The following DIS3 variants were observed in gnomAD, a reference collection of about 807,000 sequenced individuals.
DIS3 encodes the protein DIS3 exosome endoribonuclease and 3'-5' exoribonuclease.
DIS3 carries 103 observed loss-of-function variants against 113.0 expected under a neutral mutation model. That is an observed-to-expected ratio of 0.91 (90% CI 0.78 to 1.07). The LOEUF (loss-of-function observed/expected upper bound fraction) is 1.07. DIS3 is among the 50% of genes least tolerant of loss of function. DIS3 has a pLI of 0.00. For synonymous variants in DIS3, 402 were observed against 394.3 expected (o/e 1.02, Z -0.23); for missense variants, 1,121 against 1,167.1 (o/e 0.96, Z 0.58).
At chr13:72,780,033 G>T (rs1312665119) in intron 2 of DIS3, among the ~76,000 whole-genome samples, 1 of 151,832 alleles carries the variant, frequency 6.6e-6, no homozygotes, top group Non-Finnish European at 1.5e-5. Context: ...GCACAACAAA[G>T]AATTATATTC....
intron 2 of DIS3, among the ~76,000 whole-genome samples, chr13:72,780,587 T>C (rs1328474909): frequency 1.3e-5 from 2 of 152,104 alleles, no homozygotes; most frequent in Non-Finnish European, 2.9e-5. Flanking sequence ...CAATTCAAAA[T>C]GAAAACATTT....
chr13:72,776,939 A>G (rs9573031), intron 4 of DIS3, among the ~76,000 whole-genome samples: 41,111 of 152,068 alleles, frequency 0.27, 6,775 homozygotes, highest in East Asian at 0.49. Context: ...ACTTTTTCTT[A>G]GCCTGACATA....
At position 72,763,635 on chromosome 13, in the gene DIS3, CAAA is replaced by C. The variant is rs574187547; in HGVS notation, c.1971-31_1971-29del. On this transcript the variant is annotated intron_variant, in intron 15 of 20. Coordinates refer to ENST00000377767, the MANE Select transcript of DIS3 (RefSeq NM_014953.5). ...GCCAATGGAAAAAGCATTAAACAAA[CAAA>C]AAAGAGAATCTGAGACTTCTATATA... is the stretch of plus-strand genomic sequence containing the variant. 387 of 1,583,540 alleles carry C rather than the reference CAAA, an allele frequency of 2.4e-4. 1 individual carries two copies. The African/African-American group carries it at 4.7e-3, about 19-fold the overall frequency.
chr13:72,771,805 A>T lies in DIS3; in HGVS notation c.1595T>A (p.Leu532His), dbSNP rs766070693. 4 of 1,613,134 alleles carry T rather than the reference A, an allele frequency of 2.5e-6. No homozygotes were observed. The South Asian group carries it at 4.4e-5, about 18-fold the overall frequency. The change falls in exon 11 of 21, where the codon CTT becomes CAT. Residue 532 changes from leucine to histidine, a missense_variant. Physicochemically the swap from Leu to His is moderately conservative, Grantham distance 99. This residue lies in a region of DIS3 where 861 missense variants were observed against 915.5 expected (regional missense o/e 0.94). Coordinates refer to ENST00000377767, the MANE Select transcript of DIS3 (RefSeq NM_014953.5). ...ESARRGTTVY[L>H]CEKRIDMVPE... ...ATTCAATACATTTACCTTTTCACAA[A>T]GATACACAGTTGTTCCTCTTCTGGC...
rs1461307474 is a variant in DIS3 at position 72,761,775 on chromosome 13, A to G, written c.2382T>C (p.Ala794=). ...CTGGATAAGTACAGTCAGCCCCAATAGCCACAGCCAAAAGCCGATGAACAA... is the reference window on the plus strand; with the variant it reads ...CTGGATAAGTACAGTCAGCCCCAATGGCCACAGCCAAAAGCCGATGAACAA... The part of the protein sequence containing the change: ...DVIVHRLLAV[A]IGADCTYPEL... Residue 794 remains alanine (A), a synonymous_variant, in exon 18 of 21, where the codon GCT becomes GCC. Transcript: ENST00000377767. 1.2e-6 allele frequency: 2 copies of G among 1,613,448 alleles called. No individual in the cohort carries two copies. The highest frequency in any genetic ancestry group is 2.7e-5 in the African/African-American group (2 of 74,992).
rs1447926187 is a variant in DIS3, at chr13:72,770,958, A to C, written c.1701T>G (p.Asn567Lys). The C allele has an allele frequency of 2.5e-6, 4 of 1,601,402 alleles. No individual in the cohort carries two copies. The highest frequency in any genetic ancestry group is 2.6e-6 in the Non-Finnish European group (3 of 1,173,092). ...RLAFSCIWEM[N>K]HNAEILKTKF... ...TCGTTTTTAAGATTTCAGCATTGTG[A>C]TTCATTTCCCAAATACATGAAAATG... Residue 567 changes from asparagine (N) to lysine (K), a missense_variant, in exon 13 of 21, where the codon AAT becomes AAG. This residue lies in a region of DIS3 where 861 missense variants were observed against 915.5 expected (regional missense o/e 0.94). Coordinates refer to ENST00000377767, the MANE Select transcript of DIS3 (RefSeq NM_014953.5).
At chr13:72,769,496 CTTT>C (rs199556690) in intron 13 of DIS3, among the ~76,000 whole-genome samples, 3 of 141,564 alleles carry the variant, frequency 2.1e-5, no homozygotes, top group Admixed American at 7.1e-5. Context: ...ATTTTTTTTC[CTTT>C]TTTTTTTTTT....
In DIS3 at chr13:72,781,762, T is replaced by G. The variant is rs778082738; in HGVS notation, c.71A>C (p.Tyr24Ser). The part of the protein sequence containing the change: ...GGVMKIVREH[Y>S]LRDDIGCGAP... ...ACCGCAGCCGATGTCGTCTCGCAGG[T>G]AGTGCTCGCGCACGATCTTCATCAC... The change falls in exon 1 of 21, where the codon TAC becomes TCC. Residue 24 changes from tyrosine (Y) to serine (S), a missense_variant. Tyr to Ser is a moderately radical substitution (Grantham distance 144, BLOSUM62 -2). Transcript: ENST00000377767. 1.9e-6 allele frequency: 3 copies of G among 1,603,088 alleles called. No homozygotes were observed. Among genetic ancestry groups the G allele is most frequent in the South Asian group, 2.2e-5 (2 of 89,306 alleles).
At chr13:72,773,898 T>G in intron 7 of DIS3, 48 bp downstream of exon 7, 1 of 1,588,366 alleles carries the variant, frequency 6.3e-7, no homozygotes. Flanking sequence ...ATAAGTTCTA[T>G]TAAATGTTTA....
At position 72,755,521 on chromosome 13, in the gene DIS3, C is replaced by T. The variant is rs1411873502; in HGVS notation, c.*4274G>A. 3 of 370,904 alleles carry T rather than the reference C, an allele frequency of 8.1e-6. No individual in the cohort carries two copies. Among genetic ancestry groups the T allele is most frequent in the African/African-American group, 6.2e-5 (3 of 48,268 alleles). The allele number at this position is 370,904 out of a possible 1,614,324, so 23.0% of individuals were successfully genotyped here. A position where few individuals can be genotyped will look rare whatever the true frequency, so the allele number is the denominator to read the frequency against. On this transcript the variant is annotated 3_prime_UTR_variant, in exon 21 of 21. Coordinates refer to ENST00000377767, the MANE Select transcript of DIS3 (RefSeq NM_014953.5). ...CCTATCTTACAGGGTCAATGAACTACTTATTAAGCCTTACTGGTAGCACTG... is the reference window on the plus strand; with the variant it reads ...CCTATCTTACAGGGTCAATGAACTATTTATTAAGCCTTACTGGTAGCACTG...
At chr13:72,778,121 A>G in intron 3 of DIS3, 66 bp downstream of exon 3, 1 of 1,277,874 alleles carries the variant, frequency 7.8e-7, no homozygotes, top group Admixed American at 2.1e-5. Context: ...ATCTGACTAT[A>G]GGCCTAATGA....
chr13:72,764,194 T>C (rs1233046957), intron 15 of DIS3, among the ~76,000 whole-genome samples: 1 of 152,068 alleles, frequency 6.6e-6, no homozygotes, highest in African/African-American at 2.4e-5. Flanking sequence ...GAAGCTTTAC[T>C]ACTCTATTTA....
At chr13:72,761,337 G>C in intron 19 of DIS3, 26 bp downstream of exon 19, 1 of 1,572,940 alleles carries the variant, frequency 6.4e-7, no homozygotes, top group South Asian at 1.2e-5. Context: ...CCCCGGAAAA[G>C]AAAACAAACA....
chr13:72,772,324 T>A (rs1015357878), intron 9 of DIS3, 49 bp from the exon 10 acceptor site: 3 of 1,343,904 alleles, frequency 2.2e-6, no homozygotes, highest in East Asian at 2.3e-5. Context: ...AAAGCACAAC[T>A]ACAACATATT....
Position 72,755,110 on chromosome 13 carries a change from CTACT to C in DIS3, c.*4681_*4684del. 2 of 1,568,738 alleles carry C rather than the reference CTACT, an allele frequency of 1.3e-6. No individual in the cohort carries two copies. Among genetic ancestry groups the C allele is most frequent in the Non-Finnish European group, 1.8e-6 (2 of 1,140,302 alleles). ...CCGATAATTGCATCCTCCAGTGGTC[CTACT>C]TAAACTGAAAACAAGGTATTGTCTT... On this transcript the variant is annotated 3_prime_UTR_variant, in exon 21 of 21. Transcript: ENST00000377767.
intron 15 of DIS3, 125 bp from the exon 16 acceptor site, chr13:72,763,732 T>G: frequency 1.1e-6 from 1 of 887,342 alleles, no homozygotes; most frequent in Admixed American, 3.0e-5. Context: ...TAAACATTCA[T>G]ATGTGTGTGT....
chr13:72,771,849 AT>A lies in DIS3; in HGVS notation c.1550del (p.Asn517MetfsTer35). 6.2e-7 allele frequency: 1 copy of A among 1,613,822 alleles called. No homozygotes were observed. The highest frequency in any genetic ancestry group is 1.3e-5 in the African/African-American group (1 of 75,038). ...ADVSHFIRPG[N>X]ALDQESARRG... is the part of the protein sequence containing the mutation. ...TTCTGGCTGATTCTTGATCCAAGGCATTTCCTGGCCTAATAAAATGGCTCAC... is the reference window on the plus strand; with the variant it reads ...TTCTGGCTGATTCTTGATCCAAGGCATTCCTGGCCTAATAAAATGGCTCAC... On this transcript the variant is annotated frameshift_variant, in exon 11 of 21. Coordinates refer to ENST00000377767, the MANE Select transcript of DIS3 (RefSeq NM_014953.5). LOFTEE classifies it high-confidence loss of function.
intron 15 of DIS3, among the ~76,000 whole-genome samples, chr13:72,764,594 T>A (rs2033703793): frequency 6.6e-6 from 1 of 152,190 alleles, no homozygotes; most frequent in Non-Finnish European, 1.5e-5. Flanking sequence ...CTGCTGTGAT[T>A]CTCTATATAG....
At chr13:72,776,546 TATA>T (rs1400631333) in intron 4 of DIS3, among the ~76,000 whole-genome samples, 1 of 152,212 alleles carries the variant, frequency 6.6e-6, no homozygotes, top group Non-Finnish European at 1.5e-5. Flanking sequence ...TGGATTTATG[TATA>T]ATGTCCTATC....
Sources: allele counts gnomAD v4.1 joint callset (sites outside exome capture counted in the v4.1 genomes callset), GRCh38; gene constraint gnomAD v4.1.1; regional missense constraint gnomAD v4.1.1; transcripts MANE v1.5; gene names NCBI Gene and HGNC (gene_info 2026-07-23, HGNC 2026-07-21).